The following KIF5A variants were observed in gnomAD, a reference collection of about 807,000 sequenced individuals.
KIF5A encodes kinesin family member 5A.
KIF5A carries 35 observed loss-of-function variants against 141.3 expected under a neutral mutation model. That is an observed-to-expected ratio of 0.25 (90% CI 0.19 to 0.33). KIF5A has a LOEUF of 0.33. Ranked by LOEUF, KIF5A falls within the 10% of genes least tolerant of loss-of-function variation. The pLI is 1.00. For synonymous variants in KIF5A, 448 were observed against 500.2 expected (o/e 0.90, Z 1.39); for missense variants, 861 against 1,314.3 (o/e 0.66, Z 5.33).
At chr12:57,564,536 G>T (rs774860900) in intron 5 of KIF5A, 28 bp downstream of exon 5, 2 of 1,557,078 alleles carry the variant, frequency 1.3e-6, no homozygotes, top group East Asian at 2.3e-5. Flanking sequence ...GTGGATGAGG[G>T]TGTGTGAGGA....
chr12:57,575,772 T>C lies in KIF5A; in HGVS notation c.2023+15T>C. 6.5e-7 allele frequency: 1 copy of C among 1,541,800 alleles called. No individual in the cohort carries two copies. The highest frequency in any genetic ancestry group is 9.0e-7 in the Non-Finnish European group (1 of 1,114,000). On this transcript the variant is annotated intron_variant, in intron 17 of 28. Transcript: ENST00000455537. ...CCAGGCCCAGGGTGAGGCCTTCTTA[T>C]ACCTCCATCCCACTGTCCAGGGCAG... is the stretch of plus-strand genomic sequence containing the variant.
chr12:57,566,469 C>T (rs966596120), intron 6 of KIF5A, among the ~76,000 whole-genome samples: 4 of 148,746 alleles, frequency 2.7e-5, no homozygotes, highest in Admixed American at 2.0e-4. Context: ...GGTACAGTGG[C>T]GCCCGATCTT....
Position 57,550,157 on chromosome 12 carries a change from C to A in KIF5A, c.-115C>A. 1 of 1,470,466 alleles carries A rather than the reference C, an allele frequency of 6.8e-7. No individual in the cohort carries two copies. The highest frequency in any genetic ancestry group is 1.1e-5 in the South Asian group (1 of 87,706). The allele number at this position is 1,470,466 out of a possible 1,614,324, so 91.1% of individuals were successfully genotyped here. A position where few individuals can be genotyped will look rare whatever the true frequency, so the allele number is the denominator to read the frequency against. On this transcript the variant is annotated 5_prime_UTR_variant, in exon 1 of 29. Transcript: ENST00000455537. The surrounding 1 kb of genome is among the most constrained non-coding windows in gnomAD (Gnocchi z 4.6). ...TTCGCCCGGGCGCCCTCAACTCTGT[C>A]CCCAGAGACTGAGCACCTGTCCTCC...
At chr12:57,567,234 A>G in intron 7 of KIF5A, 21 bp downstream of exon 7, 1 of 1,576,200 alleles carries the variant, frequency 6.3e-7, no homozygotes, top group Non-Finnish European at 8.7e-7. Context: ...ATACAAGGGG[A>G]TCTCTCGAGT....
chr12:57,550,141 G>A lies in KIF5A; in HGVS notation c.-131G>A. The A allele has an allele frequency of 1.5e-6, 2 of 1,312,096 alleles. No individual in the cohort carries two copies. Among genetic ancestry groups the A allele is most frequent in the Non-Finnish European group, 2.2e-6 (2 of 923,250 alleles). 81.3% of individuals were successfully genotyped at this position (1,312,096 alleles called of 1,614,324 possible). On this transcript the variant is annotated 5_prime_UTR_variant, in exon 1 of 29. Coordinates refer to ENST00000455537, the MANE Select transcript of KIF5A (RefSeq NM_004984.4). The surrounding 1 kb of genome is among the most constrained non-coding windows in gnomAD (Gnocchi z 4.6). ...GCCCTGCTCCCCAGGCTTCGCCCGG[G>A]CGCCCTCAACTCTGTCCCCAGAGAC... is the stretch of plus-strand genomic sequence containing the variant.
intron 28 of KIF5A, 133 bp downstream of exon 28, chr12:57,583,348 C>T (rs1225623091): frequency 1.5e-6 from 1 of 645,872 alleles, no homozygotes; most frequent in East Asian, 2.7e-5. Flanking sequence ...TACCCCTCAA[C>T]TCCTGCTTTC....
rs1412881456 is a variant in KIF5A, at chr12:57,584,208, T to A, written c.*37-10T>A. 2 of 152,648 alleles carry A rather than the reference T, an allele frequency of 1.3e-5. No homozygotes were observed. The highest frequency in any genetic ancestry group is 2.9e-5 in the Non-Finnish European group (2 of 68,042). 9.5% of individuals were successfully genotyped at this position (152,648 alleles called of 1,614,324 possible). On this transcript the variant is annotated splice_polypyrimidine_tract_variant and intron_variant, in intron 28 of 28. Transcript: ENST00000455537. ...TGGGCCCTCACACCCTCTTTCTCTT[T>A]CTTTCCCAGTTTCTAAGAGGGACTG...
rs1200170733 is a variant in KIF5A, at chr12:57,576,654, A to G, written c.2199-107A>G. On this transcript the variant is annotated intron_variant, in intron 19 of 28. Transcript: ENST00000455537. ...ATCTGAAGGTGGACACATCAATTCT[A>G]ACTGGACTCACTCGTTCAAAAAGGA... 3.5e-6 allele frequency: 3 copies of G among 851,568 alleles called. No homozygotes were observed. The East Asian group carries it at 7.4e-5, about 21-fold the overall frequency. The allele number at this position is 851,568 out of a possible 1,614,324, so 52.8% of individuals were successfully genotyped here. A position where few individuals can be genotyped will look rare whatever the true frequency, so the allele number is the denominator to read the frequency against.
At chr12:57,560,526 A>G (rs1881877443) in intron 1 of KIF5A, among the ~76,000 whole-genome samples, 1 of 152,220 alleles carries the variant, frequency 6.6e-6, no homozygotes, top group Non-Finnish European at 1.5e-5. Flanking sequence ...TGGGTATTAC[A>G]ATGCAAATTT....
intron 25 of KIF5A, 33 bp downstream of exon 25, chr12:57,581,601 C>T (rs367605205): frequency 2.5e-5 from 41 of 1,611,842 alleles, no homozygotes; most frequent in Non-Finnish European, 3.3e-5. Context: ...TGGAGTCCCA[C>T]CCAAAGCTCC....
chr12:57,581,674 C>G, intron 25 of KIF5A, 106 bp downstream of exon 25: 1 of 1,400,242 alleles, frequency 7.1e-7, no homozygotes, highest in Admixed American at 1.7e-5. Flanking sequence ...TTTTCCTAAA[C>G]CCTTTCTCAA....
chr12:57,575,633 C>G lies in KIF5A; in HGVS notation c.1906-7C>G. 1.9e-6 allele frequency: 3 copies of G among 1,612,940 alleles called. No individual in the cohort carries two copies. The highest frequency in any genetic ancestry group is 2.5e-6 in the Non-Finnish European group (3 of 1,178,934). ...TCTTCTTCCTCTCACCAACTTTCTC[C>G]CACCAGCATGAGGCCAAGATCCGCT... On this transcript the variant is annotated splice_polypyrimidine_tract_variant and splice_region_variant and intron_variant, in intron 16 of 28. Coordinates refer to ENST00000455537, the MANE Select transcript of KIF5A (RefSeq NM_004984.4).
At chr12:57,568,912 C>T (rs764399988) in intron 8 of KIF5A, 51 bp from the exon 9 acceptor site, 2 of 1,257,928 alleles carry the variant, frequency 1.6e-6, no homozygotes, top group African/African-American at 1.5e-5. Context: ...TGGTGACAGC[C>T]CTCTCCATGT....
intron 12 of KIF5A, among the ~76,000 whole-genome samples, chr12:57,570,991 G>T (rs1882237333): frequency 6.8e-6 from 1 of 148,110 alleles, no homozygotes; most frequent in African/African-American, 2.5e-5. Flanking sequence ...GGTAGAGTTG[G>T]AGTCTCACTT....
Position 57,581,565 on chromosome 12 carries a change from T to C in KIF5A, c.2906T>C (p.Met969Thr). The C allele has an allele frequency of 1.2e-6, 2 of 1,613,984 alleles. No homozygotes were observed. The highest frequency in any genetic ancestry group is 8.5e-7 in the Non-Finnish European group (1 of 1,180,040). ...GCCACACCCAGCTCCACCTCAGATA[T>C]GTAGTGAGTGACCACACGTGTGGGT... ...LQATPSSTSDMYFANSCTSSG... is the reference protein window; with the variant it reads ...LQATPSSTSDTYFANSCTSSG... Residue 969 changes from methionine to threonine, a missense_variant, in exon 25 of 29, where the codon ATG becomes ACG. Around this residue, in one of 5 missense-constraint regions of KIF5A, gnomAD observed 482 missense variants for 661.3 expected, o/e 0.73. Coordinates refer to ENST00000455537, the MANE Select transcript of KIF5A (RefSeq NM_004984.4).
Position 57,581,540 on chromosome 12 carries a change from G to A in KIF5A, c.2881G>A (p.Ala961Thr), listed in dbSNP as rs746095110. ...GAACTACCAGAATCTCTACCTGCAG[G>A]CCACACCCAGCTCCACCTCAGATAT... ...FQNYQNLYLQ[A>T]TPSSTSDMYF... Residue 961 changes from alanine (A) to threonine (T), a missense_variant, in exon 25 of 29, where the codon GCC becomes ACC. Ala to Thr is a moderately conservative substitution (Grantham distance 58, BLOSUM62 0). Around this residue, in one of 5 missense-constraint regions of KIF5A, gnomAD observed 482 missense variants for 661.3 expected, o/e 0.73. Coordinates refer to ENST00000455537, the MANE Select transcript of KIF5A (RefSeq NM_004984.4). 92 of 1,614,080 alleles carry A rather than the reference G, an allele frequency of 5.7e-5. No individual in the cohort carries two copies. Among genetic ancestry groups the A allele is most frequent in the Middle Eastern group, 4.9e-4 (3 of 6,062 alleles).
intron 3 of KIF5A, 110 bp from the exon 4 acceptor site, chr12:57,563,998 C>T: frequency 2.5e-6 from 2 of 812,160 alleles, no homozygotes; most frequent in East Asian, 2.6e-5. Flanking sequence ...CATCTCCTAA[C>T]TTAGGATGTT....
At chr12:57,575,514 C>A in intron 16 of KIF5A, 126 bp from the exon 17 acceptor site, 1 of 941,218 alleles carries the variant, frequency 1.1e-6, no homozygotes, top group Non-Finnish European at 1.7e-6. Flanking sequence ...GGCCCCCAAC[C>A]CTGCACCCTC....
At chr12:57,563,240 C>T (rs530422673) in intron 1 of KIF5A, among the ~76,000 whole-genome samples, 199 bp from the exon 2 acceptor site, 29 of 152,078 alleles carry the variant, frequency 1.9e-4, no homozygotes, top group Non-Finnish European at 3.7e-4. Flanking sequence ...CTCCTGACCT[C>T]GTGATCCGCC....
Sources: allele counts gnomAD v4.1 joint callset (sites outside exome capture counted in the v4.1 genomes callset), GRCh38; gene constraint gnomAD v4.1.1; regional missense constraint gnomAD v4.1.1; non-coding constraint Gnocchi (gnomAD v3.1); transcripts MANE v1.5; gene names NCBI Gene and HGNC (gene_info 2026-07-23, HGNC 2026-07-21).